The following NKAIN2 variants were observed in gnomAD, a reference collection of about 807,000 sequenced individuals.
NKAIN2 encodes the protein sodium/potassium-transporting ATPase subunit beta-1-interacting protein 2.
A neutral mutation model predicts 32.6 loss-of-function variants in NKAIN2; 14 were observed. That is an observed-to-expected ratio of 0.43 (90% CI 0.28 to 0.67). The LOEUF (loss-of-function observed/expected upper bound fraction) is 0.67, where lower values mean the gene tolerates loss of function less well. Ranked by LOEUF, NKAIN2 falls within the 30% of genes least tolerant of loss-of-function variation. NKAIN2 has a pLI of 0.17. For missense variants in NKAIN2, 198 were observed against 258.3 expected, an observed-to-expected ratio of 0.77 and a Z score of 1.60; for synonymous variants, 80 against 87.2, an observed-to-expected ratio of 0.92 and a Z score of 0.46.
At chr6:123,905,914 T>C (rs1001989025) in intron 1 of NKAIN2, among the ~76,000 whole-genome samples, 1 of 152,164 alleles carries the variant, frequency 6.6e-6, no homozygotes, top group Non-Finnish European at 1.5e-5. Flanking sequence ...ATAATAGTGT[T>C]AGTTTAGTGT....
Position 123,996,273 on chromosome 6 carries a change from T to G in NKAIN2, c.54+192019T>G, listed in dbSNP as rs146863513. 3.3e-3 allele frequency among the ~76,000 whole-genome samples: 508 copies of G among 152,220 alleles called. 5 individuals carry two copies. Among genetic ancestry groups the G allele is most frequent in the African/African-American group, 0.012 (486 of 41,548 alleles). ...CAGGTCTATTAATGAGGGTAAATAG[T>G]AAAGCTTTTAAAAGATTATTTATTT... On this transcript the variant is annotated intron_variant, in intron 1 of 6. Transcript: ENST00000368417.
chr6:123,935,202 A>G (rs1016734380), intron 1 of NKAIN2, among the ~76,000 whole-genome samples: 5 of 148,744 alleles, frequency 3.4e-5, no homozygotes, highest in Non-Finnish European at 5.9e-5. Context: ...ATATATTTAT[A>G]TATTTACTTA....
chr6:124,449,446 A>G (rs1351527198), intron 3 of NKAIN2, among the ~76,000 whole-genome samples: 1 of 152,134 alleles, frequency 6.6e-6, no homozygotes, highest in Non-Finnish European at 1.5e-5. Flanking sequence ...GTGGAGAACC[A>G]TGCAGTATTC....
intron 1 of NKAIN2, among the ~76,000 whole-genome samples, chr6:124,276,250 A>G (rs540724643): frequency 6.6e-6 from 1 of 151,660 alleles, no homozygotes; most frequent in Admixed American, 6.6e-5. Flanking sequence ...ATAAATTATT[A>G]TTTTTAGTAA....
chr6:124,316,264 A>G (rs1796945307), intron 2 of NKAIN2, among the ~76,000 whole-genome samples: 1 of 152,072 alleles, frequency 6.6e-6, no homozygotes, highest in Admixed American at 6.6e-5. Flanking sequence ...CACACCTATT[A>G]TGTATCCATA....
intron 3 of NKAIN2, among the ~76,000 whole-genome samples, chr6:124,634,467 T>C (rs2114324269): frequency 6.6e-6 from 1 of 152,154 alleles, no homozygotes; most frequent in Middle Eastern, 3.4e-3. Flanking sequence ...AAAGTACAAT[T>C]GAGCACTTCA....
chr6:123,865,928 A>T (rs1426404856), intron 1 of NKAIN2, among the ~76,000 whole-genome samples: 1 of 152,250 alleles, frequency 6.6e-6, no homozygotes, highest in Non-Finnish European at 1.5e-5. Flanking sequence ...TGTACAATGT[A>T]ACAAAATGTA....
intron 3 of NKAIN2, among the ~76,000 whole-genome samples, chr6:124,481,476 A>G (rs1777449038): frequency 6.6e-6 from 1 of 152,082 alleles, no homozygotes; most frequent in African/African-American, 2.4e-5. Flanking sequence ...TGTCATTATC[A>G]ATAGAAAAAA....
In NKAIN2 at chr6:124,599,549, G is replaced by A. The variant is rs542033919; in HGVS notation, c.274-58637G>A. 5.9e-5 allele frequency among the ~76,000 whole-genome samples: 9 copies of A among 152,274 alleles called. No homozygotes were observed. The East Asian group carries it at 9.7e-4, about 16-fold the overall frequency. On this transcript the variant is annotated intron_variant, in intron 3 of 6. Coordinates refer to ENST00000368417, the MANE Select transcript of NKAIN2 (RefSeq NM_001040214.3). The stretch of plus-strand genomic sequence containing the variant: ...TGCGTGTGAGGGCAAAGATATAGCC[G>A]TGATCCTTGTACCCTGAGTACCCTT...
chr6:123,832,397 C>T (rs1377019530), intron 1 of NKAIN2, among the ~76,000 whole-genome samples: 2 of 152,160 alleles, frequency 1.3e-5, no homozygotes, highest in Admixed American at 6.5e-5. Flanking sequence ...CAGTTGCTCT[C>T]ATGGTTTGGT....
At chr6:124,524,447 T>C (rs1182122099) in intron 3 of NKAIN2, among the ~76,000 whole-genome samples, 4 of 152,212 alleles carry the variant, frequency 2.6e-5, no homozygotes, top group African/African-American at 7.2e-5. Flanking sequence ...ACTTTATTGT[T>C]ATTTTAACAA....
intron 1 of NKAIN2, among the ~76,000 whole-genome samples, chr6:124,165,366 A>C (rs1050305817): frequency 1.3e-5 from 2 of 152,038 alleles, no homozygotes; most frequent in African/African-American, 4.8e-5. Flanking sequence ...TAAAACTTCT[A>C]CTAGTGAGAA....
intron 1 of NKAIN2, among the ~76,000 whole-genome samples, chr6:123,874,976 A>C (rs1773105549): frequency 6.6e-6 from 1 of 152,052 alleles, no homozygotes; most frequent in African/African-American, 2.4e-5. Context: ...AACTATATAG[A>C]GATTTTAATG....
chr6:124,139,223 G>C (rs533312389), intron 1 of NKAIN2, among the ~76,000 whole-genome samples: 2 of 148,662 alleles, frequency 1.3e-5, no homozygotes, highest in Non-Finnish European at 3.0e-5. Flanking sequence ...CCAGTAGCTG[G>C]GACTACAGGC....
intron 3 of NKAIN2, among the ~76,000 whole-genome samples, chr6:124,476,095 TGTGC>T (rs1378140486): frequency 2.1e-5 from 3 of 142,358 alleles, no homozygotes; most frequent in Non-Finnish European, 3.1e-5. Flanking sequence ...TGTGTGTGTG[TGTGC>T]GTGCGCGCGC....
At chr6:124,563,951 C>T (rs1027681453) in intron 3 of NKAIN2, among the ~76,000 whole-genome samples, 3 of 151,966 alleles carry the variant, frequency 2.0e-5, no homozygotes, top group Non-Finnish European at 4.4e-5. Flanking sequence ...GCACATAGGT[C>T]GCATGTTATG....
At chr6:124,781,028 C>G (rs1483584737) in intron 4 of NKAIN2, among the ~76,000 whole-genome samples, 1 of 152,190 alleles carries the variant, frequency 6.6e-6, no homozygotes, top group Non-Finnish European at 1.5e-5. Context: ...TAATTCAAAG[C>G]TCAGTATTAT....
intron 2 of NKAIN2, among the ~76,000 whole-genome samples, chr6:124,322,236 A>T (rs1014248878): frequency 7.2e-5 from 11 of 152,238 alleles, no homozygotes; most frequent in African/African-American, 2.7e-4. Context: ...GATTTAAAAA[A>T]TAACTCTAGC....
chr6:124,201,998 G>A (rs925836598), intron 1 of NKAIN2, among the ~76,000 whole-genome samples: 3 of 151,874 alleles, frequency 2.0e-5, no homozygotes, highest in Non-Finnish European at 2.9e-5. Flanking sequence ...ATCAACAAAC[G>A]TGGTTAGCTA....
Sources: allele counts gnomAD v4.1 joint callset (sites outside exome capture counted in the v4.1 genomes callset), GRCh38; gene constraint gnomAD v4.1.1; transcripts MANE v1.5; gene names NCBI Gene and HGNC (gene_info 2026-07-23, HGNC 2026-07-21).